Variants in C1QTNF3 observed in about 807,000 individuals in gnomAD.
The protein encoded by C1QTNF3 is complement C1q tumor necrosis factor-related protein 3.
In C1QTNF3, 26 loss-of-function variants were observed where a neutral mutation model predicts 32.6. The ratio of observed to expected loss-of-function variants is 0.80; its 90% confidence interval spans 0.58 to 1.11. C1QTNF3 has a LOEUF of 1.11. Ranked by LOEUF, C1QTNF3 falls within the 50% of genes least tolerant of loss-of-function variation. The pLI is 0.00. For missense variants in C1QTNF3, 362 were observed against 398.2 expected, an observed-to-expected ratio of 0.91 and a Z score of 0.77; for synonymous variants, 155 against 146.0, an observed-to-expected ratio of 1.06 and a Z score of -0.44.
chr5:34,021,178 C>T (rs543349920), intron 5 of C1QTNF3, among the ~76,000 whole-genome samples: 3 of 152,280 alleles, frequency 2.0e-5, no homozygotes, highest in Admixed American at 2.0e-4. Context: ...GAATTTGGTA[C>T]AAAAGGAGGC....
At chr5:34,241,169 C>T in the C1QTNF3 span, among the ~76,000 whole-genome samples, 2 of 152,082 alleles carry the variant, frequency 1.3e-5, no homozygotes, top group Admixed American at 1.3e-4. Flanking sequence ...AACAAACCCA[C>T]AGCCAATATA....
chr5:34,167,120 T>G, the C1QTNF3 span: 1 of 152,098 alleles, frequency 6.6e-6, no homozygotes, highest in Admixed American at 6.6e-5. Context: ...AATGGCCTTT[T>G]GTAAATATAT....
At chr5:34,084,720 AT>A in the C1QTNF3 span, among the ~76,000 whole-genome samples, 1 of 147,518 alleles carries the variant, frequency 6.8e-6, no homozygotes, top group Non-Finnish European at 1.5e-5. Context: ...GATTCTGGAC[AT>A]TAGCCCTTTG....
chr5:34,052,011 G>A, the C1QTNF3 span, among the ~76,000 whole-genome samples: 194 of 152,276 alleles, frequency 1.3e-3, no homozygotes, highest in African/African-American at 4.5e-3. Context: ...GGTGGCAGGC[G>A]CCTGTAATCC....
chr5:34,103,557 G>A, the C1QTNF3 span, among the ~76,000 whole-genome samples: 4 of 142,854 alleles, frequency 2.8e-5, no homozygotes, highest in African/African-American at 1.1e-4. Context: ...GGTGGCTCAC[G>A]TCTATAATTC....
the C1QTNF3 span, among the ~76,000 whole-genome samples, chr5:34,202,887 G>C: frequency 1.2e-3 from 187 of 151,674 alleles, 1 homozygote; most frequent in Admixed American, 8.3e-3. Flanking sequence ...GCAACATATA[G>C]CAAATAATAA....
the C1QTNF3 span, among the ~76,000 whole-genome samples, chr5:34,202,816 T>C: frequency 6.6e-6 from 1 of 152,080 alleles, no homozygotes; most frequent in Non-Finnish European, 1.5e-5. Context: ...TTTTTTTCCC[T>C]GCAGCCTGAC....
the C1QTNF3 span, among the ~76,000 whole-genome samples, chr5:34,091,099 A>G: frequency 6.6e-6 from 1 of 152,150 alleles, no homozygotes; most frequent in Non-Finnish European, 1.5e-5. Context: ...CCTGTCCCAA[A>G]GGGGTTGATA....
chr5:34,175,719 C>A, the C1QTNF3 span: 217 of 648,980 alleles, frequency 3.3e-4, no homozygotes, highest in Non-Finnish European at 5.0e-4. Context: ...CAGCTTCCCC[C>A]CTTTGTTTCC....
At position 34,019,767 on chromosome 5, in the gene C1QTNF3, G is replaced by C. The variant is rs1319266102; in HGVS notation, c.*816C>G. 6.6e-6 allele frequency: 1 copy of C among 152,080 alleles called. No individual in the cohort carries two copies. Among genetic ancestry groups the C allele is most frequent in the Non-Finnish European group, 1.5e-5 (1 of 68,020 alleles). 9.4% of individuals were successfully genotyped at this position (152,080 alleles called of 1,614,324 possible). On this transcript the variant is annotated 3_prime_UTR_variant, in exon 6 of 6. Transcript: ENST00000382065. ...TTTTCTTGCCACAGTTTTATCTAAAGCCAGGTCAAAATCTTTCTCTAAGGT... is the reference window on the plus strand; with the variant it reads ...TTTTCTTGCCACAGTTTTATCTAAACCCAGGTCAAAATCTTTCTCTAAGGT...
the C1QTNF3 span, chr5:34,168,249 A>G: frequency 6.6e-6 from 1 of 151,974 alleles, no homozygotes; most frequent in Non-Finnish European, 1.5e-5. Flanking sequence ...CCTATAATAG[A>G]TTGGGAAATA....
At chr5:34,189,145 CG>C in the C1QTNF3 span, among the ~76,000 whole-genome samples, 2 of 150,578 alleles carry the variant, frequency 1.3e-5, no homozygotes, top group African/African-American at 4.9e-5. Flanking sequence ...TCTCGTGATC[CG>C]TCCACCCCGA....
the C1QTNF3 span, among the ~76,000 whole-genome samples, chr5:34,159,464 A>T: frequency 1.1e-4 from 17 of 152,290 alleles, no homozygotes; most frequent in South Asian, 3.5e-3. Flanking sequence ...GCTGCAAAAA[A>T]GAATACTCAT....
chr5:34,020,678 C>G lies in C1QTNF3; in HGVS notation c.865G>C (p.Asp289His). ...TTGCCCATTCGCAGCCAAACCTCAT[C>G]CCCTTTGGCTAGCTTCAGCACAGCA... ...NHAVLKLAKG[D>H]EVWLRMGNGA... The change falls in exon 6 of 6, where the codon GAT becomes CAT. Residue 289 changes from aspartate to histidine, a missense_variant. Physicochemically the swap from Asp to His is moderately conservative, Grantham distance 81 (BLOSUM62 -1). Coordinates refer to ENST00000382065, the MANE Select transcript of C1QTNF3 (RefSeq NM_181435.6). The G allele has an allele frequency of 6.2e-7, 1 of 1,614,180 alleles. No homozygotes were observed. The highest frequency in any genetic ancestry group is 8.5e-7 in the Non-Finnish European group (1 of 1,180,014).
At chr5:34,177,608 T>C in the C1QTNF3 span, among the ~76,000 whole-genome samples, 2 of 147,242 alleles carry the variant, frequency 1.4e-5, no homozygotes, top group East Asian at 4.1e-4. Flanking sequence ...TGCTTTAGCC[T>C]CCTGAGTAGC....
chr5:34,125,055 G>A, the C1QTNF3 span, among the ~76,000 whole-genome samples: 1 of 152,264 alleles, frequency 6.6e-6, no homozygotes, highest in Non-Finnish European at 1.5e-5. Context: ...GGAAAGAGAA[G>A]GCAAGCATGA....
chr5:34,136,541 C>T, the C1QTNF3 span, among the ~76,000 whole-genome samples: 3 of 152,354 alleles, frequency 2.0e-5, 1 homozygote, highest in African/African-American at 7.2e-5. Context: ...AACAATTTTA[C>T]ACTGTTGGTG....
At chr5:34,049,020 G>A in the C1QTNF3 span, among the ~76,000 whole-genome samples, 4 of 151,938 alleles carry the variant, frequency 2.6e-5, no homozygotes, top group Admixed American at 2.6e-4. Flanking sequence ...TCTTCAGACA[G>A]AGGGCAATTT....
At chr5:34,090,901 T>G in the C1QTNF3 span, among the ~76,000 whole-genome samples, 3 of 152,124 alleles carry the variant, frequency 2.0e-5, no homozygotes, top group Non-Finnish European at 4.4e-5. Flanking sequence ...AAGCACCCAA[T>G]TTATGGTATT....
Sources: allele counts gnomAD v4.1 joint callset (sites outside exome capture counted in the v4.1 genomes callset), GRCh38; gene constraint gnomAD v4.1.1; transcripts MANE v1.5; gene names NCBI Gene and HGNC (gene_info 2026-07-23, HGNC 2026-07-21).